DBF4B: variants seen among roughly 807,000 people sequenced by gnomAD.
DBF4B encodes DBF4B-CDC7 kinase regulatory subunit.
DBF4B carries 49 observed loss-of-function variants against 53.4 expected under a neutral mutation model. That is an observed-to-expected ratio of 0.92 (90% CI 0.73 to 1.16). The LOEUF (loss-of-function observed/expected upper bound fraction) is 1.16. Ranked by LOEUF, DBF4B falls within the 50% of genes most tolerant of loss-of-function variation. The pLI, the probability that DBF4B is intolerant of heterozygous loss-of-function variation, is 0.00. For missense variants in DBF4B, 692 were observed against 775.0 expected (o/e 0.89, Z 1.27); for synonymous variants, 257 against 288.7 (o/e 0.89, Z 1.11).
chr17:44,711,795 G>A (rs1255043173), intron 2 of DBF4B, among the ~76,000 whole-genome samples: 1 of 152,128 alleles, frequency 6.6e-6, no homozygotes, highest in African/African-American at 2.4e-5. Flanking sequence ...AATTAGCCGG[G>A]CGTGGTGGCA....
chr17:44,738,342 A>G (rs776665262), intron 8 of DBF4B, 37 bp from the exon 9 acceptor site: 1 of 1,606,802 alleles, frequency 6.2e-7, no homozygotes, highest in Admixed American at 1.7e-5. Flanking sequence ...GCACAGGGGC[A>G]GACAGATAGC....
chr17:44,750,733 G>A lies in DBF4B; in HGVS notation c.1328G>A (p.Cys443Tyr), dbSNP rs1398433099. Residue 443 changes from cysteine to tyrosine, a missense_variant, in exon 14 of 14, where the codon TGC (cysteine) becomes TAC (tyrosine). By Grantham distance (194) the Cys-to-Tyr change is radical (BLOSUM62 -2). Transcript: ENST00000315005. ...CCCAAGGGCTCCAGGGAGCAGGGCTGCCTCTGTCCCTGCCCAGCCTCCTTT... is the reference window on the plus strand; with the variant it reads ...CCCAAGGGCTCCAGGGAGCAGGGCTACCTCTGTCCCTGCCCAGCCTCCTTT... The part of the protein sequence containing the change: ...ALPKGSREQG[C>Y]LCPCPASFTQ... The A allele has an allele frequency of 5.0e-6, 8 of 1,614,158 alleles. No individual in the cohort carries two copies. Among genetic ancestry groups the A allele is most frequent in the African/African-American group, 4.0e-5 (3 of 75,060 alleles).
At chr17:44,714,252 C>T (rs1254454775) in intron 2 of DBF4B, among the ~76,000 whole-genome samples, 1 of 151,960 alleles carries the variant, frequency 6.6e-6, no homozygotes, top group East Asian at 1.9e-4. Context: ...GACAGGTGCA[C>T]TAAAATCTCA....
chr17:44,718,422 CA>C (rs910495325), intron 2 of DBF4B, among the ~76,000 whole-genome samples: 1,981 of 102,048 alleles, frequency 0.019, 28 homozygotes, highest in Admixed American at 0.068. Context: ...GACTCTATCT[CA>C]AAAAAAAAAA....
Position 44,712,341 on chromosome 17 carries a change from C to T in DBF4B, c.82+2975C>T, listed in dbSNP as rs118019258. Among the ~76,000 whole-genome samples, 60 of 110,488 alleles carry T rather than the reference C, an allele frequency of 5.4e-4. No individual in the cohort carries two copies. In the East Asian group the frequency reaches 0.018, roughly 34 times the overall value. 72.5% of individuals were successfully genotyped at this position (110,488 alleles called of 152,430 possible). On this transcript the variant is annotated intron_variant, in intron 2 of 13. Transcript: ENST00000315005. ...TTTTTTTTTGAGACGGTCTCACTCT[C>T]ATCAGGCTGGAGTGCAGTGGCACAA...
intron 3 of DBF4B, among the ~76,000 whole-genome samples, chr17:44,725,485 G>A (rs1038746827): frequency 2.0e-5 from 3 of 151,894 alleles, no homozygotes; most frequent in African/African-American, 7.3e-5. Flanking sequence ...GTGGTTTTTA[G>A]TATATTCACA....
At chr17:44,736,709 C>G (rs1468023057) in intron 7 of DBF4B, 121 bp from the exon 8 acceptor site, 3 of 1,040,108 alleles carry the variant, frequency 2.9e-6, no homozygotes, top group Non-Finnish European at 4.5e-6. Context: ...TCTGGTTCTG[C>G]AGGCCTCTCA....
intron 2 of DBF4B, 80 bp downstream of exon 2, chr17:44,709,446 CT>C (rs1377683726): frequency 2.1e-6 from 3 of 1,459,964 alleles, no homozygotes; most frequent in East Asian, 2.3e-5. Flanking sequence ...AATGTTCCCC[CT>C]GTTGGAGTTT....
chr17:44,709,566 C>T (rs937803339), intron 2 of DBF4B, among the ~76,000 whole-genome samples, 200 bp downstream of exon 2: 1 of 152,164 alleles, frequency 6.6e-6, no homozygotes, highest in Non-Finnish European at 1.5e-5. Context: ...AGCAGTTCTC[C>T]TGCCTAGGCC....
At chr17:44,742,138 C>T (rs1437269524) in intron 10 of DBF4B, among the ~76,000 whole-genome samples, 1 of 151,876 alleles carries the variant, frequency 6.6e-6, no homozygotes, top group Non-Finnish European at 1.5e-5. Context: ...CAGAGTGGCT[C>T]ATGCCCGTAA....
chr17:44,740,476 C>G (rs1429845101), intron 9 of DBF4B, among the ~76,000 whole-genome samples: 1 of 152,216 alleles, frequency 6.6e-6, no homozygotes, highest in Admixed American at 6.5e-5. Flanking sequence ...GTCTGACTAT[C>G]CAGAACCTTC....
chr17:44,728,771 C>A (rs907156722), intron 3 of DBF4B, among the ~76,000 whole-genome samples: 1 of 150,784 alleles, frequency 6.6e-6, no homozygotes, highest in Non-Finnish European at 1.5e-5. Flanking sequence ...GAGCTGAGAT[C>A]GCATGACTGC....
At chr17:44,737,291 C>G (rs1183742573) in intron 8 of DBF4B, among the ~76,000 whole-genome samples, 1 of 152,176 alleles carries the variant, frequency 6.6e-6, no homozygotes, top group African/African-American at 2.4e-5. Context: ...CCTGGTTCCT[C>G]TTGGACAGCA....
At chr17:44,746,875 C>T (rs2049108434) in intron 10 of DBF4B, among the ~76,000 whole-genome samples, 1 of 151,882 alleles carries the variant, frequency 6.6e-6, no homozygotes, top group East Asian at 1.9e-4. Context: ...ACAGGGAGGT[C>T]TCCAGACGTC....
In DBF4B at chr17:44,708,739, G is replaced by T. The variant is rs1292592218; in HGVS notation, c.-82G>T. The T allele has an allele frequency of 4.7e-6, 7 of 1,497,414 alleles. No homozygotes were observed. The highest frequency in any genetic ancestry group is 2.1e-5 in the Admixed American group (1 of 47,302). The allele number at this position is 1,497,414 out of a possible 1,614,324, so 92.8% of individuals were successfully genotyped here. A position where few individuals can be genotyped will look rare whatever the true frequency, so the allele number is the denominator to read the frequency against. On this transcript the variant is annotated 5_prime_UTR_variant, in exon 1 of 14. Coordinates refer to ENST00000315005, the MANE Select transcript of DBF4B (RefSeq NM_145663.3). ...CTGAGATAACCAGGACTGTGGAATC[G>T]GGAAGAGCTCATGGAGCTCGCGAAT...
intron 2 of DBF4B, among the ~76,000 whole-genome samples, chr17:44,710,369 A>G (rs1041953582): frequency 3.3e-5 from 5 of 151,976 alleles, no homozygotes; most frequent in African/African-American, 4.8e-5. Flanking sequence ...GCTTTGTGTG[A>G]TAAACTAAGA....
At chr17:44,717,532 C>T (rs947791998) in intron 2 of DBF4B, among the ~76,000 whole-genome samples, 2 of 151,006 alleles carry the variant, frequency 1.3e-5, no homozygotes, top group Admixed American at 6.6e-5. Flanking sequence ...CATGGTGAAA[C>T]CCTGTCTCTA....
At position 44,751,323 on chromosome 17, in the gene DBF4B, C is replaced by T. The variant is rs2049274661; in HGVS notation, c.*70C>T. 3.9e-6 allele frequency: 6 copies of T among 1,537,646 alleles called. No individual in the cohort carries two copies. The Admixed American group carries it at 9.6e-5, about 25-fold the overall frequency. The stretch of plus-strand genomic sequence containing the variant: ...GCTGCTTGATGTGAATGAGGTCCCG[C>T]AGTGGCTCCTTGGCGTGAGCACTGC... On this transcript the variant is annotated 3_prime_UTR_variant, in exon 14 of 14. Coordinates refer to ENST00000315005, the MANE Select transcript of DBF4B (RefSeq NM_145663.3).
At chr17:44,741,229 T>G in intron 9 of DBF4B, 107 bp from the exon 10 acceptor site, 2 of 772,934 alleles carry the variant, frequency 2.6e-6, no homozygotes, top group Non-Finnish European at 4.6e-6. Context: ...GATGTGGAGG[T>G]GAGAGTCCAC....
Sources: allele counts gnomAD v4.1 joint callset (sites outside exome capture counted in the v4.1 genomes callset), GRCh38; gene constraint gnomAD v4.1.1; transcripts MANE v1.5; gene names NCBI Gene and HGNC (gene_info 2026-07-23, HGNC 2026-07-21).